Variants in FAM178B observed in about 807,000 individuals in gnomAD.
FAM178B encodes the protein family with sequence similarity 178 member B, also known as protein FAM178B.
Under a neutral mutation model 91.7 loss-of-function variants are expected in FAM178B, and 82 were observed. That is an observed-to-expected ratio of 0.89 (90% CI 0.75 to 1.07). The LOEUF is 1.07. Ranked by LOEUF, FAM178B falls within the 50% of genes least tolerant of loss-of-function variation. FAM178B has a pLI of 0.00. For missense variants in FAM178B, 769 were observed against 846.7 expected (o/e 0.91, Z 1.14); for synonymous variants, 368 against 359.4 (o/e 1.02, Z -0.27).
At chr2:96,932,469 C>T (rs977245792) in intron 8 of FAM178B, among the ~76,000 whole-genome samples, 1 of 152,208 alleles carries the variant, frequency 6.6e-6, no homozygotes, top group African/African-American at 2.4e-5. Flanking sequence ...GTGGGCCATG[C>T]ACTCAGCTTT....
intron 4 of FAM178B, among the ~76,000 whole-genome samples, chr2:96,968,392 C>A (rs1295448111): frequency 6.6e-6 from 1 of 152,054 alleles, no homozygotes; most frequent in Non-Finnish European, 1.5e-5. Flanking sequence ...TCCCGCCCTG[C>A]AAACCAACAC....
At chr2:96,971,562 C>A (rs1229793255) in intron 3 of FAM178B, among the ~76,000 whole-genome samples, 1 of 152,190 alleles carries the variant, frequency 6.6e-6, no homozygotes, top group Non-Finnish European at 1.5e-5. Flanking sequence ...CAAGCCCAGA[C>A]CTCAGCTCTG....
intron 4 of FAM178B, among the ~76,000 whole-genome samples, chr2:96,968,675 G>A (rs2082177994): frequency 8.9e-6 from 1 of 112,522 alleles, no homozygotes; most frequent in African/African-American, 3.5e-5. Context: ...CCTCCTCCCA[G>A]GGGCCTCCTG....
At chr2:96,880,971 GAGCGGGACTTGGCCAT>G (rs2080368248) in intron 14 of FAM178B, among the ~76,000 whole-genome samples, 1 of 152,102 alleles carries the variant, frequency 6.6e-6, no homozygotes, top group South Asian at 2.1e-4. Flanking sequence ...TGAGGCATGG[GAGCGGGACTTGGCCAT>G]GAAAAGCAGC....
chr2:96,928,025 G>C (rs2081474939), intron 9 of FAM178B, among the ~76,000 whole-genome samples: 1 of 152,244 alleles, frequency 6.6e-6, no homozygotes, highest in Non-Finnish European at 1.5e-5. Context: ...GAGCACGGCA[G>C]GCTGGCACAT....
intron 13 of FAM178B, among the ~76,000 whole-genome samples, chr2:96,899,482 G>A (rs541595719): frequency 1.3e-3 from 198 of 152,188 alleles, no homozygotes; most frequent in African/African-American, 4.5e-3. Context: ...CTGACAGGCT[G>A]CAAGACCCTG....
rs1258635396 is a variant in FAM178B at position 96,960,333 on chromosome 2, G to C, written c.842C>G (p.Ser281Cys). 1.3e-6 allele frequency: 2 copies of C among 1,551,806 alleles called. No individual in the cohort carries two copies. Among genetic ancestry groups the C allele is most frequent in the Non-Finnish European group, 1.7e-6 (2 of 1,147,008 alleles). Residue 281 changes from serine (S) to cysteine (C), a missense_variant, in exon 6 of 17, where the codon TCC (serine) becomes TGC (cysteine). By Grantham distance (112) the Ser-to-Cys change is moderately radical. Coordinates refer to ENST00000490605, the MANE Select transcript of FAM178B (RefSeq NM_001122646.3). ...RCHPLPCILD[S>C]SLLKPRSHLE... ...GTGGCTGCGTGGCTTCAGGAGTGAG[G>C]AGTCCAGGATGCATGGCAGGGGGTG...
intron 8 of FAM178B, among the ~76,000 whole-genome samples, chr2:96,938,735 G>A (rs1422663092): frequency 2.0e-5 from 3 of 152,254 alleles, no homozygotes; most frequent in Non-Finnish European, 2.9e-5. Flanking sequence ...TGGAGCTCAC[G>A]GCCCATTGGG....
At chr2:96,905,873 T>A (rs111805353) in intron 12 of FAM178B, among the ~76,000 whole-genome samples, 5 of 89,232 alleles carry the variant, frequency 5.6e-5, no homozygotes, top group African/African-American at 1.2e-4. Flanking sequence ...TTTTTTTTTT[T>A]TTTTTTTTTT....
chr2:96,907,672 C>T (rs984960809), intron 12 of FAM178B, among the ~76,000 whole-genome samples: 3 of 152,242 alleles, frequency 2.0e-5, no homozygotes, highest in Non-Finnish European at 4.4e-5. Context: ...AATGACTTTT[C>T]CAAACCCGCA....
intron 12 of FAM178B, among the ~76,000 whole-genome samples, chr2:96,912,453 G>C (rs13421281): frequency 2.3e-4 from 35 of 151,990 alleles, no homozygotes; most frequent in African/African-American, 8.2e-4. Flanking sequence ...GAGGGCTGGT[G>C]GGGGAGGGGT....
intron 14 of FAM178B, among the ~76,000 whole-genome samples, chr2:96,881,595 C>T (rs1296587391): frequency 1.3e-5 from 2 of 151,836 alleles, no homozygotes; most frequent in Non-Finnish European, 1.5e-5. Context: ...TAGAAGGAGT[C>T]GTGGGGAGGG....
chr2:96,967,668 TC>T, intron 4 of FAM178B, 41 bp from the exon 5 acceptor site: 1 of 1,374,496 alleles, frequency 7.3e-7, no homozygotes. Flanking sequence ...TCAGTGTTGT[TC>T]CCCATCGTGC....
intron 10 of FAM178B, 136 bp from the exon 11 acceptor site, chr2:96,921,790 A>C: frequency 2.3e-6 from 2 of 868,704 alleles, no homozygotes; most frequent in Non-Finnish European, 3.6e-6. Context: ...GTAGGAGCTC[A>C]GGAAACAGTG....
At chr2:96,949,297 G>A (rs984148376) in intron 7 of FAM178B, among the ~76,000 whole-genome samples, 1 of 152,166 alleles carries the variant, frequency 6.6e-6, no homozygotes, top group African/African-American at 2.4e-5. Flanking sequence ...GGCTCAGTAG[G>A]GACCCCAGGT....
intron 14 of FAM178B, among the ~76,000 whole-genome samples, chr2:96,882,915 G>A (rs2080422374): frequency 6.6e-6 from 1 of 152,264 alleles, no homozygotes; most frequent in African/African-American, 2.4e-5. Context: ...CAGAGTCTGA[G>A]GGCATGCCCG....
At chr2:96,946,886 C>T (rs1340159631) in intron 8 of FAM178B, among the ~76,000 whole-genome samples, 3 of 152,202 alleles carry the variant, frequency 2.0e-5, no homozygotes, top group African/African-American at 4.8e-5. Flanking sequence ...AGGGCAGGGG[C>T]GGAGGAGTCT....
At chr2:96,911,825 G>A (rs1431229398) in intron 12 of FAM178B, among the ~76,000 whole-genome samples, 2 of 152,164 alleles carry the variant, frequency 1.3e-5, no homozygotes, top group Non-Finnish European at 1.5e-5. Flanking sequence ...AGACACTGGT[G>A]CCACTCATGG....
At chr2:96,915,379 A>G (rs922231732) in intron 12 of FAM178B, among the ~76,000 whole-genome samples, 3 of 151,096 alleles carry the variant, frequency 2.0e-5, no homozygotes, top group Non-Finnish European at 4.4e-5. Flanking sequence ...CGGCCTCCCA[A>G]AGTGCTGGGA....
Sources: gnomAD v4.1 joint callset for allele counts (sites outside exome capture counted in the v4.1 genomes callset) on GRCh38, gnomAD v4.1.1 for gene constraint, MANE v1.5 for transcripts, NCBI Gene and HGNC (gene_info 2026-07-23, HGNC 2026-07-21) for gene names.